Variants in EDA observed in about 807,000 individuals in gnomAD.
EDA encodes the protein ectodysplasin-A.
EDA carries 2 observed loss-of-function variants against 23.6 expected under a neutral mutation model. That is an observed-to-expected ratio of 0.08 (90% CI 0.03 to 0.27). EDA has a LOEUF of 0.27. Ranked by LOEUF, EDA falls within the 10% of genes least tolerant of loss-of-function variation. EDA has a pLI of 1.00. For synonymous variants in EDA, 131 were observed against 132.0 expected (o/e 0.99, Z 0.05); for missense variants, 229 against 324.2 (o/e 0.71, Z 2.26).
chrX:69,835,138 C>A (rs1254503161), intron 1 of EDA, among the ~76,000 whole-genome samples: 1 of 78,244 alleles, frequency 1.3e-5, no homozygotes, highest in East Asian at 2.9e-4. Context: ...CTCTGGCTGC[C>A]CTTAACACTT....
At chrX:69,657,149 T>C (rs1933346088) in intron 1 of EDA, among the ~76,000 whole-genome samples, 1 of 112,094 alleles carries the variant, frequency 8.9e-6, no homozygotes, top group Non-Finnish European at 1.9e-5. Flanking sequence ...CTCTGCAATC[T>C]CACCAACATG....
chrX:70,037,881 G>A lies in EDA; in HGVS notation c.*2272G>A, dbSNP rs2147522096. 8.9e-6 allele frequency: 1 copy of A among 111,798 alleles called. No individual in the cohort carries two copies. Among genetic ancestry groups the A allele is most frequent in the South Asian group, 3.8e-4 (1 of 2,642 alleles). The allele number at this position is 111,798 out of a possible 1,213,427, so 9.2% of individuals were successfully genotyped here. A position where few individuals can be genotyped will look rare whatever the true frequency, so the allele number is the denominator to read the frequency against. On this transcript the variant is annotated 3_prime_UTR_variant, in exon 8 of 8. Coordinates refer to ENST00000374552, the MANE Select transcript of EDA (RefSeq NM_001399.5). ...TCCTGGCACAATGTTGGAGCAGCAG[G>A]CCTCTGGGACCCACAGAACTTGTGG...
intron 1 of EDA, among the ~76,000 whole-genome samples, chrX:69,790,754 T>A (rs977297382): frequency 9.0e-6 from 1 of 111,494 alleles, no homozygotes; most frequent in African/African-American, 3.2e-5. Flanking sequence ...CACTATCATA[T>A]TTAAACATAC....
intron 3 of EDA, 86 bp from the exon 4 acceptor site, chrX:70,027,771 C>T (rs1411678523): frequency 7.9e-6 from 4 of 507,702 alleles, no homozygotes; most frequent in East Asian, 3.8e-5. Flanking sequence ...TGCAGTGAGC[C>T]GAGATCGTGC....
intron 1 of EDA, among the ~76,000 whole-genome samples, chrX:69,618,985 G>T (rs1231834635): frequency 8.9e-6 from 1 of 111,876 alleles, no homozygotes; most frequent in Non-Finnish European, 1.9e-5. Context: ...AATTTCTAGT[G>T]CCCTGGTGCA....
At chrX:69,920,329 T>A (rs925221269) in intron 1 of EDA, among the ~76,000 whole-genome samples, 4 of 111,441 alleles carry the variant, frequency 3.6e-5, no homozygotes, top group Non-Finnish European at 5.7e-5. Flanking sequence ...TATGGTACAT[T>A]TGTCATATCA....
In EDA at chrX:70,036,965, G is replaced by A. The variant is rs1376744135; in HGVS notation, c.*1356G>A. ...AGGCTCAGGAGAAGCCAGTGTCTAG[G>A]CACTGAGCAGGGATCTGCCCCCTAG... On this transcript the variant is annotated 3_prime_UTR_variant, in exon 8 of 8. Coordinates refer to ENST00000374552, the MANE Select transcript of EDA (RefSeq NM_001399.5). 1.8e-5 allele frequency: 2 copies of A among 112,509 alleles called. No homozygotes were observed. Among genetic ancestry groups the A allele is most frequent in the African/African-American group, 3.2e-5 (1 of 30,969 alleles). The allele number at this position is 112,509 out of a possible 1,213,427, so 9.3% of individuals were successfully genotyped here.
intron 1 of EDA, among the ~76,000 whole-genome samples, chrX:69,857,108 GAACCGGTT>G (rs1480303657): frequency 9.0e-6 from 1 of 111,653 alleles, no homozygotes; most frequent in Non-Finnish European, 1.9e-5. Context: ...AATTATCCCA[GAACCGGTT>G]GTTGAACAGG....
intron 2 of EDA, among the ~76,000 whole-genome samples, chrX:69,978,222 G>T (rs5980885): frequency 2.0e-5 from 2 of 101,534 alleles, no homozygotes; most frequent in Admixed American, 2.2e-4. Context: ...AGTGAGGCAC[G>T]CCTGTAATTC....
At chrX:69,998,478 C>T (rs1361549840) in intron 2 of EDA, among the ~76,000 whole-genome samples, 1 of 112,251 alleles carries the variant, frequency 8.9e-6, no homozygotes, top group African/African-American at 3.2e-5. Flanking sequence ...AGGGACTTGC[C>T]TTGTCTCAGA....
At chrX:69,838,610 G>C (rs977677045) in intron 1 of EDA, among the ~76,000 whole-genome samples, 2 of 112,729 alleles carry the variant, frequency 1.8e-5, no homozygotes, top group Non-Finnish European at 3.7e-5. Flanking sequence ...CTGGGTGACA[G>C]AGCGAGACTC....
chrX:69,723,341 T>G (rs751991363), intron 1 of EDA, among the ~76,000 whole-genome samples: 19 of 112,544 alleles, frequency 1.7e-4, no homozygotes, highest in African/African-American at 4.8e-4. Flanking sequence ...TTTGCTTGTT[T>G]GACATTATCA....
rs1439180525 is a variant in EDA, at chrX:69,780,946, T to A, written c.396+164242T>A. Among the ~76,000 whole-genome samples, 5 of 111,864 alleles carry A rather than the reference T, an allele frequency of 4.5e-5. No individual in the cohort carries two copies. The Admixed American group carries it at 4.8e-4, about 11-fold the overall frequency. The stretch of plus-strand genomic sequence containing the variant: ...CTGGCAACCACTATTCTACTTTCCA[T>A]CTCTATAGATTTGTCTATGATGTAC... On this transcript the variant is annotated intron_variant, in intron 1 of 7. Transcript: ENST00000374552.
chrX:69,955,195 A>G lies in EDA; in HGVS notation c.397-1832A>G, dbSNP rs1227944794. Among the ~76,000 whole-genome samples, 3 of 111,986 alleles carry G rather than the reference A, an allele frequency of 2.7e-5. No individual in the cohort carries two copies. In the Admixed American group the frequency reaches 2.8e-4, roughly 11 times the overall value. On this transcript the variant is annotated intron_variant, in intron 1 of 7. Transcript: ENST00000374552. Reference sequence around the variant, plus strand: ...TTAAGTAACTTTCTGTGGGCTTATCAGGAGAACTAGCCAAACTTTATTATG... The same window carrying G: ...TTAAGTAACTTTCTGTGGGCTTATCGGGAGAACTAGCCAAACTTTATTATG...
At chrX:69,652,812 G>A (rs781091180) in intron 1 of EDA, among the ~76,000 whole-genome samples, 18 of 111,956 alleles carry the variant, frequency 1.6e-4, no homozygotes, top group Non-Finnish European at 2.8e-4. Context: ...AATCATAGAA[G>A]CAGCTTTCAT....
chrX:69,709,990 C>T (rs1005316633), intron 1 of EDA, among the ~76,000 whole-genome samples: 9 of 111,887 alleles, frequency 8.0e-5, no homozygotes, highest in Non-Finnish European at 1.1e-4. Context: ...TGCAGAAGCT[C>T]TTGAGTTTAA....
intron 1 of EDA, among the ~76,000 whole-genome samples, chrX:69,763,056 A>T (rs2014361405): frequency 8.9e-6 from 1 of 112,440 alleles, no homozygotes; most frequent in Non-Finnish European, 1.9e-5. Context: ...AGCTTTGGGA[A>T]AAAGTTTCTA....
chrX:69,877,882 T>C (rs1420933028), intron 1 of EDA, among the ~76,000 whole-genome samples: 1 of 112,696 alleles, frequency 8.9e-6, no homozygotes. Context: ...TTTTTGCATA[T>C]AGATAACAGT....
At chrX:70,005,314 C>T (rs1032258114) in intron 2 of EDA, among the ~76,000 whole-genome samples, 6 of 111,220 alleles carry the variant, frequency 5.4e-5, no homozygotes, top group Admixed American at 3.8e-4. Flanking sequence ...GACTGTGATT[C>T]AATGGAAGGT....
Sources: allele counts gnomAD v4.1 joint callset (sites outside exome capture counted in the v4.1 genomes callset), GRCh38; gene constraint gnomAD v4.1.1; transcripts MANE v1.5; gene names NCBI Gene and HGNC (gene_info 2026-07-23, HGNC 2026-07-21).